Variants in GPC5 observed in about 807,000 individuals in gnomAD.
The protein encoded by GPC5 is glypican-5.
A neutral mutation model predicts 53.9 loss-of-function variants in GPC5; 47 were observed. That is an observed-to-expected ratio of 0.87 (90% CI 0.69 to 1.11). GPC5 has a LOEUF of 1.11. GPC5 is among the 50% of genes most tolerant of loss of function. The pLI is 0.00. For synonymous variants in GPC5, 286 were observed against 263.3 expected (o/e 1.09, Z -0.84); for missense variants, 748 against 713.1 (o/e 1.05, Z -0.56).
chr13:92,391,023 T>C (rs958844326), intron 7 of GPC5, among the ~76,000 whole-genome samples: 1 of 152,168 alleles, frequency 6.6e-6, no homozygotes, highest in African/African-American at 2.4e-5. Context: ...TACAAGAAAT[T>C]AATGTTCATT....
At chr13:92,473,319 T>C (rs879872897) in intron 7 of GPC5, among the ~76,000 whole-genome samples, 4 of 152,126 alleles carry the variant, frequency 2.6e-5, no homozygotes, top group Non-Finnish European at 5.9e-5. Context: ...TGCAATGTTT[T>C]ATTTATACTC....
chr13:92,233,400 A>T (rs549755047), intron 7 of GPC5, among the ~76,000 whole-genome samples: 3 of 152,316 alleles, frequency 2.0e-5, no homozygotes, highest in Non-Finnish European at 2.9e-5. Context: ...AGGTCATCGG[A>T]TGGGGCTGAC....
chr13:92,264,068 T>C (rs9589469), intron 7 of GPC5, among the ~76,000 whole-genome samples: 65,498 of 151,982 alleles, frequency 0.43, 15,328 homozygotes, highest in African/African-American at 0.62. Flanking sequence ...TAAATAAACA[T>C]AATTATTTGT....
intron 6 of GPC5, among the ~76,000 whole-genome samples, chr13:92,108,744 A>G (rs975930578): frequency 2.0e-5 from 3 of 151,968 alleles, no homozygotes; most frequent in Non-Finnish European, 4.4e-5. Context: ...TCTACTTTGG[A>G]TCTCCTCTTG....
At chr13:92,337,127 T>C (rs1302166196) in intron 7 of GPC5, among the ~76,000 whole-genome samples, 1 of 151,790 alleles carries the variant, frequency 6.6e-6, no homozygotes, top group Admixed American at 6.6e-5. Context: ...ACCACCTTCC[T>C]GTATAGCTCT....
intron 6 of GPC5, among the ~76,000 whole-genome samples, chr13:91,972,228 C>G (rs1255336897): frequency 6.6e-6 from 1 of 152,138 alleles, no homozygotes; most frequent in Non-Finnish European, 1.5e-5. Flanking sequence ...TAATGGCCTT[C>G]TTTGTCTCTT....
rs947259249 is a variant in GPC5 at position 92,866,205 on chromosome 13, T to C, written c.1562-77T>C. 9 of 1,297,776 alleles carry C rather than the reference T, an allele frequency of 6.9e-6. No homozygotes were observed. The East Asian group carries it at 2.0e-4, about 29-fold the overall frequency. The allele number at this position is 1,297,776 out of a possible 1,614,324, so 80.4% of individuals were successfully genotyped here. On this transcript the variant is annotated intron_variant, in intron 7 of 7. Transcript: ENST00000377067. Reference sequence around the variant, plus strand: ...CCCAAAAACAATGCTGTCCACACTTTGAGTTTAAGAGTTGTTCTAGACGTA... The same window carrying C: ...CCCAAAAACAATGCTGTCCACACTTCGAGTTTAAGAGTTGTTCTAGACGTA...
At chr13:92,691,532 C>G (rs184973031) in intron 7 of GPC5, among the ~76,000 whole-genome samples, 1 of 151,856 alleles carries the variant, frequency 6.6e-6, no homozygotes, top group African/African-American at 2.4e-5. Flanking sequence ...TCTTCTGCGT[C>G]GCTCACGCTG....
In GPC5 at chr13:92,421,428, G is replaced by A. The variant is rs143379554; in HGVS notation, c.1561+276439G>A. Among the ~76,000 whole-genome samples the A allele has an allele frequency of 3.8e-3, 583 of 152,208 alleles. 7 individuals carry two copies. The highest frequency in any genetic ancestry group is 0.014 in the African/African-American group (564 of 41,530). On this transcript the variant is annotated intron_variant, in intron 7 of 7. Coordinates refer to ENST00000377067, the MANE Select transcript of GPC5 (RefSeq NM_004466.6). ...AAAGAAAAGAGGTTTGGCCGGGCGC[G>A]GTGGCTCACGCCTGTAATCCCAGCA...
At chr13:92,360,817 A>T (rs1247931313) in intron 7 of GPC5, among the ~76,000 whole-genome samples, 2 of 152,008 alleles carry the variant, frequency 1.3e-5, no homozygotes, top group South Asian at 2.1e-4. Context: ...TATCACTAGC[A>T]TTCCTATGCA....
chr13:91,505,118 G>A (rs187109759), intron 2 of GPC5, among the ~76,000 whole-genome samples: 84 of 152,220 alleles, frequency 5.5e-4, no homozygotes, highest in African/African-American at 1.5e-3. Context: ...GTTTTAAGGC[G>A]CGTATTTTTT....
intron 7 of GPC5, among the ~76,000 whole-genome samples, chr13:92,438,646 A>G (rs1877423040): frequency 1.3e-5 from 2 of 152,120 alleles, no homozygotes; most frequent in African/African-American, 4.8e-5. Flanking sequence ...GAGTGAGACC[A>G]TTTACAAGGC....
chr13:91,658,565 T>A (rs1388184231), intron 2 of GPC5, among the ~76,000 whole-genome samples: 1 of 152,224 alleles, frequency 6.6e-6, no homozygotes, highest in Non-Finnish European at 1.5e-5. Context: ...TATACTCAGC[T>A]TATGTTTAAT....
At chr13:91,565,002 G>GT (rs398023935) in intron 2 of GPC5, among the ~76,000 whole-genome samples, 15 of 149,910 alleles carry the variant, frequency 1.0e-4, no homozygotes, top group African/African-American at 3.6e-4. Context: ...TTGGGGGGGG[G>GT]TCGGTGGGAC....
intron 2 of GPC5, among the ~76,000 whole-genome samples, chr13:91,543,262 G>A (rs2030069246): frequency 1.3e-5 from 2 of 151,996 alleles, no homozygotes; most frequent in Non-Finnish European, 2.9e-5. Context: ...CAAAGTTCTG[G>A]GATTACAGGT....
At chr13:91,732,727 GT>G (rs2036728798) in intron 4 of GPC5, among the ~76,000 whole-genome samples, 1 of 152,096 alleles carries the variant, frequency 6.6e-6, no homozygotes, top group Admixed American at 6.6e-5. Context: ...TCCAGTTTCA[GT>G]TTTCTGCATA....
At chr13:92,323,824 T>C (rs1199073416) in intron 7 of GPC5, among the ~76,000 whole-genome samples, 1 of 151,958 alleles carries the variant, frequency 6.6e-6, no homozygotes, top group Admixed American at 6.6e-5. Flanking sequence ...CATAGATAAA[T>C]ATAGATGATA....
chr13:91,811,777 T>TTAAA (rs552468338), intron 5 of GPC5, among the ~76,000 whole-genome samples: 43 of 152,328 alleles, frequency 2.8e-4, no homozygotes, highest in Admixed American at 2.2e-3. Context: ...GTGGACTGTG[T>TTAAA]TAAATAATCA....
At position 92,076,281 on chromosome 13, in the gene GPC5, C is replaced by T. The variant is rs571419905; in HGVS notation, c.1402-68549C>T. Among the ~76,000 whole-genome samples, 15 of 151,928 alleles carry T rather than the reference C, an allele frequency of 9.9e-5. No homozygotes were observed. In the East Asian group the frequency reaches 1.2e-3, roughly 12 times the overall value. On this transcript the variant is annotated intron_variant, in intron 6 of 7. Transcript: ENST00000377067. ...ATTTTTAGTAGAGACGGGGTTTCAC[C>T]GTGTTAGCCAGGATGGTCTCGATCT...
Sources: gnomAD v4.1 joint callset for allele counts (sites outside exome capture counted in the v4.1 genomes callset) on GRCh38, gnomAD v4.1.1 for gene constraint, MANE v1.5 for transcripts, NCBI Gene and HGNC (gene_info 2026-07-23, HGNC 2026-07-21) for gene names.